Variants in VKORC1L1 observed in about 807,000 individuals in gnomAD.
VKORC1L1 encodes vitamin K epoxide reductase complex subunit 1-like protein 1.
A neutral mutation model predicts 18.9 loss-of-function variants in VKORC1L1; 2 were observed. The ratio of observed to expected loss-of-function variants is 0.11; its 90% CI spans 0.04 to 0.33. The LOEUF is 0.33. Among genes scored for constraint, VKORC1L1 ranks in the 10% least tolerant of loss-of-function variants. The pLI is 1.00. For missense variants in VKORC1L1, 123 were observed against 224.1 expected (o/e 0.55, Z 2.88); for synonymous variants, 96 against 100.0 (o/e 0.96, Z 0.24).
At chr7:65,878,525 A>G (rs964711175) in intron 1 of VKORC1L1, among the ~76,000 whole-genome samples, 3 of 152,150 alleles carry the variant, frequency 2.0e-5, no homozygotes, top group Non-Finnish European at 2.9e-5. Context: ...GACTTGCCCA[A>G]GATAGCACAG....
intron 1 of VKORC1L1, among the ~76,000 whole-genome samples, chr7:65,946,424 C>G (rs531327022): frequency 1.1e-4 from 17 of 152,186 alleles, no homozygotes; most frequent in African/African-American, 3.6e-4. Context: ...GGGCTTCAGA[C>G]CAGAAGCGTC....
At chr7:65,937,756 C>T (rs142783439) in intron 1 of VKORC1L1, among the ~76,000 whole-genome samples, 15 of 152,216 alleles carry the variant, frequency 9.9e-5, no homozygotes, top group African/African-American at 2.9e-4. Flanking sequence ...AATGAATAGA[C>T]GGTTAATGGT....
chr7:65,947,345 A>G (rs1304770229), intron 1 of VKORC1L1, among the ~76,000 whole-genome samples: 1 of 151,340 alleles, frequency 6.6e-6, no homozygotes, highest in Non-Finnish European at 1.5e-5. Context: ...GCTTTGGGGC[A>G]GTTTGTCTTC....
At chr7:65,902,920 G>A (rs966675919) in intron 1 of VKORC1L1, among the ~76,000 whole-genome samples, 7 of 152,042 alleles carry the variant, frequency 4.6e-5, no homozygotes, top group African/African-American at 1.7e-4. Context: ...AGGTTAGAGT[G>A]CAATGGCGTG....
At chr7:65,919,082 T>C (rs1789633697) in intron 1 of VKORC1L1, among the ~76,000 whole-genome samples, 2 of 152,164 alleles carry the variant, frequency 1.3e-5, no homozygotes, top group Non-Finnish European at 2.9e-5. Flanking sequence ...AGCGAGACCC[T>C]TTCTCAAAAA....
intron 1 of VKORC1L1, among the ~76,000 whole-genome samples, chr7:65,906,950 C>A (rs1397951255): frequency 6.6e-6 from 1 of 152,000 alleles, no homozygotes; most frequent in Admixed American, 6.6e-5. Context: ...TGGGTTTTTT[C>A]CTAGTAGTAT....
At chr7:65,916,302 CAT>C (rs1475755551) in intron 1 of VKORC1L1, among the ~76,000 whole-genome samples, 1 of 151,984 alleles carries the variant, frequency 6.6e-6, no homozygotes, top group Non-Finnish European at 1.5e-5. Flanking sequence ...ATTAGAAAGT[CAT>C]AGAATTTAAA....
intron 1 of VKORC1L1, among the ~76,000 whole-genome samples, chr7:65,932,594 A>G (rs185921015): frequency 1.8e-4 from 28 of 152,310 alleles, no homozygotes; most frequent in African/African-American, 4.1e-4. Flanking sequence ...CCATGAATCT[A>G]TTGTTCAGTT....
At chr7:65,942,348 C>A (rs2115709586) in intron 1 of VKORC1L1, among the ~76,000 whole-genome samples, 1 of 151,758 alleles carries the variant, frequency 6.6e-6, no homozygotes, top group African/African-American at 2.4e-5. Context: ...AAAAACTAGC[C>A]TGACATGGTG....
chr7:65,908,595 T>C (rs575595759), intron 1 of VKORC1L1, among the ~76,000 whole-genome samples: 52 of 152,264 alleles, frequency 3.4e-4, no homozygotes, highest in South Asian at 1.0e-3. Context: ...CCCGGCACTT[T>C]GGGAGGTCAA....
At chr7:65,913,571 C>T (rs950030655) in intron 1 of VKORC1L1, among the ~76,000 whole-genome samples, 2 of 151,552 alleles carry the variant, frequency 1.3e-5, no homozygotes, top group African/African-American at 4.8e-5. Context: ...ACTAAAAATA[C>T]AAAAATTAGC....
At chr7:65,889,687 C>G (rs1188784678) in intron 1 of VKORC1L1, among the ~76,000 whole-genome samples, 8 of 152,250 alleles carry the variant, frequency 5.3e-5, no homozygotes, top group South Asian at 2.1e-4. Context: ...ATATGCGTCC[C>G]CCTTCTCAAA....
upstream of VKORC1L1, among the ~76,000 whole-genome samples, chr7:65,872,985 G>GC (rs1292874160): frequency 2.4e-4 from 11 of 46,774 alleles, no homozygotes; most frequent in African/African-American, 1.7e-3. Flanking sequence ...CCCCTGCCCC[G>GC]CCCATCCCCA....
At chr7:65,952,946 C>T (rs140666661) in intron 2 of VKORC1L1, among the ~76,000 whole-genome samples, 3 of 151,776 alleles carry the variant, frequency 2.0e-5, no homozygotes, top group Non-Finnish European at 4.4e-5. Context: ...ATACCATGCC[C>T]AGCTAATTTT....
In VKORC1L1 at chr7:65,909,132, A is replaced by G. The variant is rs560604440; in HGVS notation, c.194+35567A>G. On this transcript the variant is annotated intron_variant, in intron 1 of 2. Transcript: ENST00000360768. ...ACTGGGATTACAGGCGTGAGCCACCACGCCCAGCCTAATTTTTTTTTTTTT... is the reference window on the plus strand; with the variant it reads ...ACTGGGATTACAGGCGTGAGCCACCGCGCCCAGCCTAATTTTTTTTTTTTT... Among the ~76,000 whole-genome samples the G allele has an allele frequency of 7.5e-3, 955 of 127,266 alleles. 7 individuals carry two copies. The highest frequency in any genetic ancestry group is 0.011 in the Non-Finnish European group (639 of 59,336). The allele number at this position is 127,266 out of a possible 152,430, so 83.5% of individuals were successfully genotyped here. A position where few individuals can be genotyped will look rare whatever the true frequency, so the allele number is the denominator to read the frequency against.
intron 1 of VKORC1L1, among the ~76,000 whole-genome samples, chr7:65,878,804 G>C (rs1450148803): frequency 6.7e-6 from 1 of 149,302 alleles, no homozygotes; most frequent in Admixed American, 6.7e-5. Flanking sequence ...TACTTGAGAG[G>C]GGCTGAGGCA....
chr7:65,893,305 G>A (rs1057085041), intron 1 of VKORC1L1, among the ~76,000 whole-genome samples: 6 of 152,204 alleles, frequency 3.9e-5, no homozygotes, highest in Non-Finnish European at 7.3e-5. Flanking sequence ...AGTTTGGGAG[G>A]CTGAGGCGGG....
Position 65,956,083 on chromosome 7 carries a change from G to A in VKORC1L1, c.*1783G>A, listed in dbSNP as rs1790291176. On this transcript the variant is annotated 3_prime_UTR_variant, in exon 3 of 3. Coordinates refer to ENST00000360768, the MANE Select transcript of VKORC1L1 (RefSeq NM_173517.6). The stretch of plus-strand genomic sequence containing the variant: ...TCAAGACTTGTGTTTTCCCATGAAT[G>A]TGAATCTTTCAATGGCTGTTGGAGT... 6.6e-6 allele frequency: 1 copy of A among 152,218 alleles called. No individual in the cohort carries two copies. Among genetic ancestry groups the A allele is most frequent in the South Asian group, 2.1e-4 (1 of 4,828 alleles). 9.4% of individuals were successfully genotyped at this position (152,218 alleles called of 1,614,324 possible).
At chr7:65,931,882 T>A (rs184232925) in intron 1 of VKORC1L1, among the ~76,000 whole-genome samples, 133 of 152,146 alleles carry the variant, frequency 8.7e-4, no homozygotes, top group African/African-American at 3.0e-3. Context: ...CCTCAGGTGA[T>A]CCCTGGCCTC....
Sources: gnomAD v4.1 joint callset for allele counts (sites outside exome capture counted in the v4.1 genomes callset) on GRCh38, gnomAD v4.1.1 for gene constraint, MANE v1.5 for transcripts, NCBI Gene and HGNC (gene_info 2026-07-23, HGNC 2026-07-21) for gene names.